Variants in LRRK1 observed in about 807,000 individuals in gnomAD.
LRRK1 encodes leucine rich repeat kinase 1, also known as leucine-rich repeat serine/threonine-protein kinase 1.
In LRRK1, 113 loss-of-function variants were observed where a neutral mutation model predicts 209.1. The observed-to-expected ratio is 0.54, with a 90% CI of 0.46 to 0.63. The LOEUF is 0.63. LRRK1 is among the 30% of genes least tolerant of loss of function. The pLI is 0.00. For synonymous variants in LRRK1, 1,144 were observed against 1,099.7 expected (o/e 1.04, Z -0.80); for missense variants, 2,284 against 2,632.2 (o/e 0.87, Z 2.89).
intron 2 of LRRK1, among the ~76,000 whole-genome samples, chr15:100,933,821 CAAAAAAAAAAAAA>C (rs67129854): frequency 1.0e-3 from 44 of 42,874 alleles, no homozygotes; most frequent in Admixed American, 2.2e-3. Context: ...GACTCCATCT[CAAAAAAAAAAAAA>C]AAAAAAAAAA....
chr15:100,944,263 C>G (rs575452519), intron 2 of LRRK1, among the ~76,000 whole-genome samples: 2 of 152,282 alleles, frequency 1.3e-5, no homozygotes, highest in East Asian at 3.9e-4. Flanking sequence ...GCAGGCTTCT[C>G]CATCCAGGAA....
In LRRK1 at chr15:100,924,539, C is replaced by T. The variant is rs950751478; in HGVS notation, c.-94C>T. ...AAGAAAGCTTTCTGCTCAGCCATGG[C>T]TACGAGTCCACGCCTTAATGCACCC... On this transcript the variant is annotated 5_prime_UTR_variant, in exon 2 of 34. Transcript: ENST00000388948. 7 of 1,034,888 alleles carry T rather than the reference C, an allele frequency of 6.8e-6. No individual in the cohort carries two copies. In the Admixed American group the frequency reaches 9.2e-5, roughly 14 times the overall value. 64.1% of individuals were successfully genotyped at this position (1,034,888 alleles called of 1,614,324 possible). A position where few individuals can be genotyped will look rare whatever the true frequency, so the allele number is the denominator to read the frequency against.
chr15:101,067,602 G>A (rs2036609634), intron 33 of LRRK1, among the ~76,000 whole-genome samples: 1 of 152,162 alleles, frequency 6.6e-6, no homozygotes, highest in African/African-American at 2.4e-5. Flanking sequence ...TTCTCCCAAA[G>A]CAGGACAATG....
chr15:101,029,489 T>C (rs1351175346), intron 20 of LRRK1, among the ~76,000 whole-genome samples: 1 of 143,798 alleles, frequency 7.0e-6, no homozygotes, highest in Admixed American at 6.7e-5. Flanking sequence ...ATTGAAAAGG[T>C]GTAGGAAAAC....
At chr15:100,970,678 T>C (rs2030807074) in intron 2 of LRRK1, among the ~76,000 whole-genome samples, 1 of 152,216 alleles carries the variant, frequency 6.6e-6, no homozygotes, top group South Asian at 2.1e-4. Context: ...AATTTCCATA[T>C]AAATTTAAGA....
chr15:100,933,013 C>T (rs926265791), intron 2 of LRRK1, among the ~76,000 whole-genome samples: 4 of 152,202 alleles, frequency 2.6e-5, no homozygotes, highest in Admixed American at 6.5e-5. Context: ...CGGCCTCCCG[C>T]CTCCCACCCA....
Position 100,972,917 on chromosome 15 carries a change from T to TAC in LRRK1, c.98-868_98-867dup, listed in dbSNP as rs10629976. ...TTTGAATTTTGTCCTCGAAAAACTGTACACACACACACACACACACCCAGT... is the reference window on the plus strand; with the variant it reads ...TTTGAATTTTGTCCTCGAAAAACTGTACACACACACACACACACACACCCAGT... On this transcript the variant is annotated intron_variant, in intron 2 of 33. Transcript: ENST00000388948. Among the ~76,000 whole-genome samples, 1,143 of 123,938 alleles carry TAC rather than the reference T, an allele frequency of 9.2e-3. 9 individuals carry two copies. The highest frequency in any genetic ancestry group is 0.014 in the Non-Finnish European group (716 of 51,264). The allele number at this position is 123,938 out of a possible 152,430, so 81.3% of individuals were successfully genotyped here.
At chr15:101,053,453 A>C in intron 26 of LRRK1, 33 bp downstream of exon 26, 2 of 1,529,200 alleles carry the variant, frequency 1.3e-6, no homozygotes, top group Non-Finnish European at 1.8e-6. Flanking sequence ...CCGGCCCCGG[A>C]GACCGACAGA....
chr15:100,929,583 C>G, intron 2 of LRRK1, among the ~76,000 whole-genome samples: 1 of 152,188 alleles, frequency 6.6e-6, no homozygotes, highest in East Asian at 1.9e-4. Flanking sequence ...TTAGGAAGAG[C>G]CTCTAGGGTG....
intron 2 of LRRK1, among the ~76,000 whole-genome samples, chr15:100,961,237 T>A (rs1227497214): frequency 6.6e-6 from 1 of 152,164 alleles, no homozygotes; most frequent in African/African-American, 2.4e-5. Context: ...CCACCAGTCT[T>A]ATTACAGGGT....
chr15:101,028,810 C>G, intron 19 of LRRK1, 146 bp from the exon 20 acceptor site: 1 of 898,730 alleles, frequency 1.1e-6, no homozygotes, highest in Non-Finnish European at 1.7e-6. Context: ...GGCTGCCAGC[C>G]CACCTGAAGG....
chr15:101,025,344 A>C (rs1284624761), intron 16 of LRRK1, among the ~76,000 whole-genome samples: 1 of 152,158 alleles, frequency 6.6e-6, no homozygotes, highest in Non-Finnish European at 1.5e-5. Flanking sequence ...GTCACAGAAC[A>C]CCATAGACAC....
chr15:101,055,316 G>A (rs1371710831), intron 27 of LRRK1, 93 bp downstream of exon 27: 3 of 1,247,394 alleles, frequency 2.4e-6, no homozygotes, highest in East Asian at 2.8e-5. Context: ...AAGCTTCGGG[G>A]CTCAGCATCC....
chr15:101,024,688 GT>G lies in LRRK1; in HGVS notation c.2068-113del. 8.7e-7 allele frequency: 1 copy of G among 1,144,266 alleles called. No individual in the cohort carries two copies. Among genetic ancestry groups the G allele is most frequent in the Non-Finnish European group, 1.3e-6 (1 of 796,032 alleles). 70.9% of individuals were successfully genotyped at this position (1,144,266 alleles called of 1,614,324 possible). ...ATAGAGTGTCCAGAACTTTTCCACG[GT>G]TGTTTTTTCAGACCCCCGAGTCCAG... On this transcript the variant is annotated intron_variant, in intron 15 of 33. Coordinates refer to ENST00000388948, the MANE Select transcript of LRRK1 (RefSeq NM_024652.6). The surrounding 1 kb of genome is among the most constrained non-coding windows in gnomAD (Gnocchi z 4.6).
chr15:101,068,576 C>A, intron 33 of LRRK1, 95 bp from the exon 34 acceptor site: 1 of 1,346,750 alleles, frequency 7.4e-7, no homozygotes, highest in Non-Finnish European at 1.0e-6. Flanking sequence ...TGCCCTTAGC[C>A]AGCTCCGCCT....
intron 31 of LRRK1, among the ~76,000 whole-genome samples, chr15:101,063,269 T>C (rs2036299657): frequency 6.6e-6 from 1 of 152,220 alleles, no homozygotes; most frequent in African/African-American, 2.4e-5. Flanking sequence ...GTGCTGCACC[T>C]TGGGATTAGC....
intron 13 of LRRK1, 74 bp from the exon 14 acceptor site, chr15:101,021,771 T>C (rs911436156): frequency 2.5e-5 from 22 of 873,490 alleles, no homozygotes; most frequent in Admixed American, 5.9e-5. Context: ...GAGCCACGTG[T>C]GTGCGTGTGT....
chr15:101,019,049 G>A (rs74040230), intron 12 of LRRK1, among the ~76,000 whole-genome samples: 424 of 152,296 alleles, frequency 2.8e-3, no homozygotes, highest in African/African-American at 9.8e-3. Context: ...GACCAGCAGA[G>A]TCATAAATAA....
chr15:100,985,497 A>G (rs367636512), intron 4 of LRRK1, among the ~76,000 whole-genome samples: 15 of 152,358 alleles, frequency 9.8e-5, no homozygotes, highest in Admixed American at 3.3e-4. Flanking sequence ...TGTGCAATGT[A>G]ACTACACTGA....
Sources: allele counts gnomAD v4.1 joint callset (sites outside exome capture counted in the v4.1 genomes callset), GRCh38; gene constraint gnomAD v4.1.1; non-coding constraint Gnocchi (gnomAD v3.1); transcripts MANE v1.5; gene names NCBI Gene and HGNC (gene_info 2026-07-23, HGNC 2026-07-21).